The following PCNX3 variants were observed in gnomAD, a reference collection of about 807,000 sequenced individuals.
PCNX3 encodes pecanex 3, also known as pecanex-like protein 3.
PCNX3 carries 58 observed loss-of-function variants against 207.2 expected under a neutral mutation model. That is an observed-to-expected ratio of 0.28 (90% CI 0.23 to 0.35). The LOEUF is 0.35. Among genes scored for constraint, PCNX3 ranks in the 10% least tolerant of loss-of-function variants. PCNX3 has a pLI of 1.00. For missense variants in PCNX3, 2,410 were observed against 2,774.4 expected, an observed-to-expected ratio of 0.87 and a Z score of 2.95; for synonymous variants, 1,337 against 1,183.5, an observed-to-expected ratio of 1.13 and a Z score of -2.66.
intron 10 of PCNX3, 47 bp from the exon 11 acceptor site, chr11:65,622,198 G>T (rs1855143242): frequency 1.3e-6 from 2 of 1,575,824 alleles, no homozygotes; most frequent in Non-Finnish European, 8.6e-7. Context: ...CGGCTGTGGG[G>T]ACTGCAGTTT....
At chr11:65,621,063 A>G in intron 10 of PCNX3, 97 bp downstream of exon 10, 1 of 1,436,910 alleles carries the variant, frequency 7.0e-7, no homozygotes, top group Non-Finnish European at 9.2e-7. Context: ...CAGGTGCCCC[A>G]GGAGGGACGG....
At chr11:65,628,759 TG>T (rs1457973377) in intron 23 of PCNX3, 56 bp downstream of exon 23, 5 of 234,810 alleles carry the variant, frequency 2.1e-5, no homozygotes, top group Middle Eastern at 4.9e-4. Flanking sequence ...CCTGGGGCAG[TG>T]GGGGGTGGTG....
In PCNX3 at chr11:65,617,257, G is replaced by A; in HGVS notation, c.349G>A (p.Gly117Arg). The A allele has an allele frequency of 1.2e-6, 2 of 1,604,378 alleles. No homozygotes were observed. Among genetic ancestry groups the A allele is most frequent in the African/African-American group, 1.3e-5 (1 of 74,790 alleles). The change falls in exon 3 of 35, where the codon GGA becomes AGA. Residue 117 changes from glycine to arginine, a missense_variant. Around this residue, in one of 8 missense-constraint regions of PCNX3, gnomAD observed 1,104 missense variants for 970.3 expected, o/e 1.14. Transcript: ENST00000355703. ...GCTCTTTTTCACCGCCAGGGACCCC[G>A]GAGTGGAGATGACAGTGTTCCGGAA... is the stretch of plus-strand genomic sequence containing the variant. ...QGDSNPPRDP[G>R]VEMTVFRKVS...
At chr11:65,628,527 CCTGGCATCCGGGGG>C in intron 22 of PCNX3, 54 bp from the exon 23 acceptor site, 1 of 1,460,874 alleles carries the variant, frequency 6.8e-7, no homozygotes, top group Non-Finnish European at 9.5e-7. Flanking sequence ...CTGAATGGGG[CCTGGCATCCGGGGG>C]CTTCCATGAG....
chr11:65,636,756 C>T lies in PCNX3; in HGVS notation c.5893-10C>T, dbSNP rs112095062. 3.9e-6 allele frequency: 6 copies of T among 1,545,676 alleles called. No homozygotes were observed. Among genetic ancestry groups the T allele is most frequent in the Non-Finnish European group, 5.2e-6 (6 of 1,144,500 alleles). On this transcript the variant is annotated splice_polypyrimidine_tract_variant and intron_variant, in intron 34 of 34. Coordinates refer to ENST00000355703, the MANE Select transcript of PCNX3 (RefSeq NM_032223.4). Reference sequence around the variant, plus strand: ...CCTGCTCACCCGCCAACCTCTCCCCCCTCCCCCAGGCGCCTCTAGACCTCA... The same window carrying T: ...CCTGCTCACCCGCCAACCTCTCCCCTCTCCCCCAGGCGCCTCTAGACCTCA...
At position 65,618,027 on chromosome 11, in the gene PCNX3, G is replaced by A. The variant is rs746544279; in HGVS notation, c.665G>A (p.Gly222Glu). 5.6e-6 allele frequency: 9 copies of A among 1,608,400 alleles called. No individual in the cohort carries two copies. In the Middle Eastern group the frequency reaches 5.0e-4, roughly 89 times the overall value. ...TCTTCAGAGCCTTCTCCCCTGGCTG[G>A]AGATGGAGCGCCCTGGAGTGGGAGC... ...TDSSEPSPLA[G>E]DGAPWSGSSM... The change falls in exon 6 of 35, where the codon GGA (glycine) becomes GAA (glutamate). Residue 222 changes from glycine (G) to glutamate (E), a missense_variant. Gly to Glu is a moderately conservative substitution (Grantham distance 98, BLOSUM62 -2). Transcript: ENST00000355703.
At position 65,635,831 on chromosome 11, in the gene PCNX3, G is replaced by T; in HGVS notation, c.5459+28G>T. On this transcript the variant is annotated intron_variant, in intron 32 of 34. Transcript: ENST00000355703. This position sits in a 1 kb window ranked among gnomAD's most constrained non-coding sequence, Gnocchi z 9.9. ...GAGGCCTCGGGAAGGGGTGACGTGT[G>T]GCGCGGGAGGAAGCTGAGGTGCAGT... 1 of 1,585,828 alleles carries T rather than the reference G, an allele frequency of 6.3e-7. No individual in the cohort carries two copies. The highest frequency in any genetic ancestry group is 1.1e-5 in the South Asian group (1 of 87,686).
At position 65,619,834 on chromosome 11, in the gene PCNX3, C is replaced by T; in HGVS notation, c.1910C>T (p.Ser637Phe). 2 of 1,607,082 alleles carry T rather than the reference C, an allele frequency of 1.2e-6. No homozygotes were observed. The highest frequency in any genetic ancestry group is 1.7e-6 in the Non-Finnish European group (2 of 1,178,982). ...CTGCCCTCTGCGCTGCATTTCGCCTCTTCACTGTTGCTCACCCGGGCCGGT... is the reference window on the plus strand; with the variant it reads ...CTGCCCTCTGCGCTGCATTTCGCCTTTTCACTGTTGCTCACCCGGGCCGGT... ...LTLPSALHFA[S>F]SLLLTRAGAN... Residue 637 changes from serine to phenylalanine, a missense_variant, in exon 8 of 35, where the codon TCT (serine) becomes TTT (phenylalanine). Around this residue, in one of 8 missense-constraint regions of PCNX3, gnomAD observed 1,104 missense variants for 970.3 expected, o/e 1.14. Coordinates refer to ENST00000355703, the MANE Select transcript of PCNX3 (RefSeq NM_032223.4).
Position 65,635,298 on chromosome 11 carries a change from C to T in PCNX3, c.5034C>T (p.Val1678=). The change falls in exon 31 of 35, where the codon GTC becomes GTT. Residue 1678 remains valine, a synonymous_variant. Transcript: ENST00000355703. This position sits in a 1 kb window ranked among gnomAD's most constrained non-coding sequence, Gnocchi z 9.9. Reference sequence around the variant, plus strand: ...TTGCGGCCAACGAGGAGCGGCTGGTCATCTCACATGAGGGTGACCCAGCAT... The same window carrying T: ...TTGCGGCCAACGAGGAGCGGCTGGTTATCTCACATGAGGGTGACCCAGCAT... The part of the protein sequence containing the change: ...DAIAANEERL[V]ISHEGDPAWR... 2.5e-6 allele frequency: 4 copies of T among 1,597,206 alleles called. No homozygotes were observed. The South Asian group carries it at 3.4e-5, about 13-fold the overall frequency.
Position 65,620,406 on chromosome 11 carries a change from G to A in PCNX3, c.2076G>A (p.Gly692=), listed in dbSNP as rs765496883. ...GGYENPVGQQ[G]EQTANGAWDR... ...ACGAGAACCCTGTAGGGCAGCAAGGGGAGCAGACAGCTAATGGAGCCTGGT... is the reference window on the plus strand; with the variant it reads ...ACGAGAACCCTGTAGGGCAGCAAGGAGAGCAGACAGCTAATGGAGCCTGGT... The change falls in exon 9 of 35, where the codon GGG becomes GGA. Residue 692 remains glycine, a synonymous_variant. Transcript: ENST00000355703. The A allele has an allele frequency of 1.2e-6, 2 of 1,613,308 alleles. No homozygotes were observed. Among genetic ancestry groups the A allele is most frequent in the Admixed American group, 1.7e-5 (1 of 60,002 alleles).
chr11:65,628,545 C>T, intron 22 of PCNX3, 50 bp from the exon 23 acceptor site: 9 of 1,571,262 alleles, frequency 5.7e-6, no homozygotes, highest in Non-Finnish European at 7.8e-6. Flanking sequence ...CCGGGGGCTT[C>T]CATGAGTGAC....
intron 22 of PCNX3, among the ~76,000 whole-genome samples, chr11:65,628,224 A>G (rs554108854): frequency 3.7e-4 from 57 of 152,308 alleles, no homozygotes; most frequent in East Asian, 3.3e-3. Context: ...CTCAATTTTC[A>G]GTACTATAGT....
At position 65,629,524 on chromosome 11, in the gene PCNX3, T is replaced by G; in HGVS notation, c.4005T>G (p.Ala1335=). 1.2e-6 allele frequency: 2 copies of G among 1,613,672 alleles called. No homozygotes were observed. The highest frequency in any genetic ancestry group is 2.7e-5 in the African/African-American group (2 of 75,058). Residue 1335 remains alanine (A), a synonymous_variant, in exon 26 of 35, where the codon GCT becomes GCG. Transcript: ENST00000355703. The part of the protein sequence containing the change: ...LVTQLDRNPG[A]DDNNLNSIFY... Reference sequence around the variant, plus strand: ...CCCGTCTGTTCTGGGTCTTAGGCGCTGATGACAACAACCTCAACTCCATCT... The same window carrying G: ...CCCGTCTGTTCTGGGTCTTAGGCGCGGATGACAACAACCTCAACTCCATCT...
Position 65,629,413 on chromosome 11 carries a change from C to T in PCNX3, c.3998C>T (p.Pro1333Leu). ...CTGGTCACACAGCTGGACAGGAACC[C>T]TGGTGTGTACCCAGCCATCCAAGGG... ...TRLVTQLDRN[P>L]GADDNNLNSI... Residue 1333 changes from proline (P) to leucine (L), a missense_variant and splice_region_variant, in exon 25 of 35, where the codon CCT becomes CTT. Physicochemically the swap from Pro to Leu is moderately conservative, Grantham distance 98. Coordinates refer to ENST00000355703, the MANE Select transcript of PCNX3 (RefSeq NM_032223.4). 2 of 1,612,094 alleles carry T rather than the reference C, an allele frequency of 1.2e-6. No individual in the cohort carries two copies. Among genetic ancestry groups the T allele is most frequent in the East Asian group, 2.2e-5 (1 of 44,820 alleles).
chr11:65,623,571 A>G lies in PCNX3; in HGVS notation c.2438A>G (p.Lys813Arg). ...TTCCTGGGCTACCTGCTGCTGCTCA[A>G]GGGCTTCTTCACTGACATCTGGGTC... ...VAFLGYLLLL[K>R]GFFTDIWVFQ... The change falls in exon 12 of 35, where the codon AAG (lysine) becomes AGG (arginine). Residue 813 changes from lysine (K) to arginine (R), a missense_variant. This residue lies in a region of PCNX3 where 177 missense variants were observed against 257.5 expected (regional missense o/e 0.69). Transcript: ENST00000355703. 1 of 1,613,970 alleles carries G rather than the reference A, an allele frequency of 6.2e-7. No individual in the cohort carries two copies. Among genetic ancestry groups the G allele is most frequent in the South Asian group, 1.1e-5 (1 of 91,082 alleles).
rs1031982383 is a variant in PCNX3 at position 65,629,243 on chromosome 11, C to T, written c.3942-114C>T. The stretch of plus-strand genomic sequence containing the variant: ...GAGCCTCAGTCTCCTCATCTGCCTG[C>T]ATAACGGGGCTGTCCTGGATGGCGT... On this transcript the variant is annotated intron_variant, in intron 24 of 34. Coordinates refer to ENST00000355703, the MANE Select transcript of PCNX3 (RefSeq NM_032223.4). 1.3e-5 allele frequency: 15 copies of T among 1,137,746 alleles called. No homozygotes were observed. In the African/African-American group the frequency reaches 1.8e-4, roughly 14 times the overall value. 70.5% of individuals were successfully genotyped at this position (1,137,746 alleles called of 1,614,324 possible). A position where few individuals can be genotyped will look rare whatever the true frequency, so the allele number is the denominator to read the frequency against.
At chr11:65,616,575 G>A in intron 1 of PCNX3, 111 bp downstream of exon 1, 3 of 1,327,254 alleles carry the variant, frequency 2.3e-6, no homozygotes, top group Non-Finnish European at 3.0e-6. Flanking sequence ...AATCACTGCA[G>A]AGTTTGGGTC....
In PCNX3 at chr11:65,627,283, GA is replaced by G. The variant is rs1855441972; in HGVS notation, c.3525-121del. On this transcript the variant is annotated intron_variant, in intron 21 of 34. Transcript: ENST00000355703. ...AGAGTCACGGGCCCAAAAGAGCAGG[GA>G]CCAGCCCAGCAGAGCAGAGGCCAGG... 28 of 1,218,520 alleles carry G rather than the reference GA, an allele frequency of 2.3e-5. No individual in the cohort carries two copies. In the East Asian group the frequency reaches 6.9e-4, roughly 30 times the overall value. The allele number at this position is 1,218,520 out of a possible 1,614,324, so 75.5% of individuals were successfully genotyped here.
At chr11:65,629,783 A>AT (rs1439713395) in intron 26 of PCNX3, 48 bp downstream of exon 26, 1 of 1,528,272 alleles carries the variant, frequency 6.5e-7, no homozygotes, top group African/African-American at 1.4e-5. Flanking sequence ...CTCGGGCCTG[A>AT]TGTGGGAGCT....
Sources: allele counts gnomAD v4.1 joint callset (sites outside exome capture counted in the v4.1 genomes callset), GRCh38; gene constraint gnomAD v4.1.1; regional missense constraint gnomAD v4.1.1; non-coding constraint Gnocchi (gnomAD v3.1); transcripts MANE v1.5; gene names NCBI Gene and HGNC (gene_info 2026-07-23, HGNC 2026-07-21).